The following PHF20 variants were observed in gnomAD, a reference collection of about 807,000 sequenced individuals.
PHF20 encodes the protein PHD finger protein 20.
In PHF20, 23 loss-of-function variants were observed where a neutral mutation model predicts 113.5. That is an observed-to-expected ratio of 0.20 (90% CI 0.15 to 0.29). The LOEUF (loss-of-function observed/expected upper bound fraction) is 0.29. Ranked by LOEUF, PHF20 falls within the 10% of genes least tolerant of loss-of-function variation. The pLI, the probability that PHF20 is intolerant of heterozygous loss-of-function variation, is 1.00. For missense variants in PHF20, 943 were observed against 1,219.6 expected (o/e 0.77, Z 3.38); for synonymous variants, 434 against 457.3 (o/e 0.95, Z 0.65).
chr20:35,810,456 G>T (rs2041957337), intron 2 of PHF20, among the ~76,000 whole-genome samples: 1 of 152,024 alleles, frequency 6.6e-6, no homozygotes. Context: ...AAACCAATCA[G>T]CATACATTCC....
rs746538790 is a variant in PHF20 at position 35,801,592 on chromosome 20, C to T, written c.70C>T (p.Arg24Cys). The part of the protein sequence containing the change: ...EVGAQLEARD[R>C]LKNWYPAHIE... ...GGGAGCCCAGTTGGAAGCCCGGGAC[C>T]GTTTAAAAAACTGGTACTTTTACAT... Residue 24 changes from arginine (R) to cysteine (C), a missense_variant, in exon 2 of 18, where the codon CGT becomes TGT. Coordinates refer to ENST00000374012, the MANE Select transcript of PHF20 (RefSeq NM_016436.5). 2.4e-5 allele frequency: 39 copies of T among 1,610,616 alleles called. No individual in the cohort carries two copies. Among genetic ancestry groups the T allele is most frequent in the Middle Eastern group, 1.6e-4 (1 of 6,076 alleles).
intron 13 of PHF20, among the ~76,000 whole-genome samples, chr20:35,923,079 CACTACA>C (rs1194829648): frequency 6.6e-6 from 1 of 152,204 alleles, no homozygotes. Flanking sequence ...TGTACCACTG[CACTACA>C]ACCTGTTCAA....
intron 9 of PHF20, among the ~76,000 whole-genome samples, chr20:35,890,908 AAAACAAAACT>A (rs2054836901): frequency 6.6e-6 from 1 of 152,108 alleles, no homozygotes; most frequent in African/African-American, 2.4e-5. Flanking sequence ...ACAATAAAAC[AAAACAAAACT>A]AAACAAAACT....
intron 4 of PHF20, among the ~76,000 whole-genome samples, chr20:35,852,799 G>A (rs370397561): frequency 2.2e-4 from 34 of 151,652 alleles, no homozygotes; most frequent in East Asian, 2.0e-3. Context: ...GGGTTTCACC[G>A]TGTTGGTTAG....
At position 35,903,048 on chromosome 20, in the gene PHF20, G is replaced by GTTTCCTTTCCTTTCC. The variant is rs142226239; in HGVS notation, c.1561+3407_1561+3421dup. The stretch of plus-strand genomic sequence containing the variant: ...TTTTTTTTTTTTTTGAGTGATTTTC[G>GTTTCCTTTCCTTTCC]TTTCCTTTCCTTTCCTTTCCTATCC... On this transcript the variant is annotated intron_variant, in intron 10 of 17. Coordinates refer to ENST00000374012, the MANE Select transcript of PHF20 (RefSeq NM_016436.5). 4.2e-3 allele frequency among the ~76,000 whole-genome samples: 360 copies of GTTTCCTTTCCTTTCC among 85,300 alleles called. 5 individuals carry two copies. Among genetic ancestry groups the GTTTCCTTTCCTTTCC allele is most frequent in the African/African-American group, 0.017 (335 of 19,822 alleles). The allele number at this position is 85,300 out of a possible 152,430, so 56.0% of individuals were successfully genotyped here. A position where few individuals can be genotyped will look rare whatever the true frequency, so the allele number is the denominator to read the frequency against.
At chr20:35,777,382 A>G (rs951149373) in intron 1 of PHF20, among the ~76,000 whole-genome samples, 2 of 152,216 alleles carry the variant, frequency 1.3e-5, no homozygotes, top group Non-Finnish European at 2.9e-5. Context: ...TATGAGATGT[A>G]ATGTTTTTAG....
chr20:35,811,550 C>T (rs1167678991), intron 2 of PHF20, among the ~76,000 whole-genome samples: 1 of 151,098 alleles, frequency 6.6e-6, no homozygotes, highest in Non-Finnish European at 1.5e-5. Context: ...ACAAGCGATT[C>T]TTCTGTCTCA....
intron 2 of PHF20, among the ~76,000 whole-genome samples, chr20:35,842,052 G>A (rs2425162): frequency 0.25 from 37,368 of 151,994 alleles, 5,416 homozygotes; most frequent in African/African-American, 0.41. Context: ...TTAATTTAAT[G>A]GTTCATAAAC....
chr20:35,842,809 A>C, intron 3 of PHF20, 65 bp downstream of exon 3: 4 of 1,421,722 alleles, frequency 2.8e-6, no homozygotes, highest in Non-Finnish European at 3.9e-6. Flanking sequence ...TTGTGTTTCA[A>C]TCTTTGATGT....
At chr20:35,915,444 T>C (rs2147086979) in intron 12 of PHF20, among the ~76,000 whole-genome samples, 1 of 152,180 alleles carries the variant, frequency 6.6e-6, no homozygotes, top group South Asian at 2.1e-4. Flanking sequence ...TGGAGTGCAG[T>C]GGCGCGATCT....
At chr20:35,857,562 C>CT (rs56655276) in intron 4 of PHF20, among the ~76,000 whole-genome samples, 1,307 of 99,740 alleles carry the variant, frequency 0.013, 49 homozygotes, top group African/African-American at 0.027. Flanking sequence ...AATGATGTTC[C>CT]TTTTTTTTTT....
At chr20:35,846,812 A>T (rs1339185804) in intron 3 of PHF20, among the ~76,000 whole-genome samples, 5 of 152,100 alleles carry the variant, frequency 3.3e-5, no homozygotes, top group Non-Finnish European at 7.4e-5. Context: ...ATAATAGAAT[A>T]CCTGAGACTA....
chr20:35,851,041 G>T (rs952306221), intron 4 of PHF20: 7 of 351,662 alleles, frequency 2.0e-5, no homozygotes, highest in Admixed American at 4.0e-5. Flanking sequence ...TGATCCACCC[G>T]CCTCAGCCTC....
Position 35,794,469 on chromosome 20 carries a change from G to T in PHF20, c.-32-7022G>T, listed in dbSNP as rs1758638300. ...CAATGAATATTTCTTGAATGAGGGG[G>T]GCATAAAGATTTAAGCTGGTCTTTC... On this transcript the variant is annotated intron_variant, in intron 1 of 17. Coordinates refer to ENST00000374012, the MANE Select transcript of PHF20 (RefSeq NM_016436.5). Among the ~76,000 whole-genome samples, 3 of 152,196 alleles carry T rather than the reference G, an allele frequency of 2.0e-5. No homozygotes were observed. The South Asian group carries it at 6.2e-4, about 32-fold the overall frequency.
intron 16 of PHF20, 97 bp from the exon 17 acceptor site, chr20:35,940,767 T>C: frequency 2.0e-6 from 2 of 997,940 alleles, no homozygotes; most frequent in Non-Finnish European, 3.0e-6. Flanking sequence ...GTATTGAAAC[T>C]GCAGCTAGTA....
At chr20:35,922,490 G>A (rs918291352) in intron 13 of PHF20, among the ~76,000 whole-genome samples, 9 of 152,138 alleles carry the variant, frequency 5.9e-5, no homozygotes, top group Admixed American at 5.2e-4. Flanking sequence ...TTACTATAGA[G>A]AAATAACTTT....
intron 2 of PHF20, among the ~76,000 whole-genome samples, chr20:35,803,559 A>G (rs917013718): frequency 2.6e-5 from 4 of 151,682 alleles, no homozygotes; most frequent in Admixed American, 2.6e-4. Context: ...TCCTGACCTC[A>G]GATGATCTGC....
chr20:35,921,116 A>G (rs934437956), intron 13 of PHF20, among the ~76,000 whole-genome samples: 2 of 152,204 alleles, frequency 1.3e-5, no homozygotes, highest in Non-Finnish European at 2.9e-5. Context: ...TGGTTATACA[A>G]CAGTGAGACA....
At position 35,914,131 on chromosome 20, in the gene PHF20, G is replaced by T; in HGVS notation, c.1759G>T (p.Val587Phe). 1.2e-6 allele frequency: 2 copies of T among 1,614,108 alleles called. No homozygotes were observed. Among genetic ancestry groups the T allele is most frequent in the Non-Finnish European group, 1.7e-6 (2 of 1,180,026 alleles). ...GTGTGGGTCCTCACACAAGCCAGGG[G>T]TCCATATGAGCCCGCAGCTTCATGG... ...TRCGSSHKPG[V>F]HMSPQLHGPE... The change falls in exon 12 of 18, where the codon GTC (valine) becomes TTC (phenylalanine). Residue 587 changes from valine (V) to phenylalanine (F), a missense_variant. By Grantham distance (50) the Val-to-Phe change is conservative. Around this residue, in one of 3 missense-constraint regions of PHF20, gnomAD observed 592 missense variants for 787.2 expected, o/e 0.75. Coordinates refer to ENST00000374012, the MANE Select transcript of PHF20 (RefSeq NM_016436.5).
Sources: gnomAD v4.1 joint callset for allele counts (sites outside exome capture counted in the v4.1 genomes callset) on GRCh38, gnomAD v4.1.1 for gene constraint, gnomAD v4.1.1 regional missense constraint, MANE v1.5 for transcripts, NCBI Gene and HGNC (gene_info 2026-07-23, HGNC 2026-07-21) for gene names.